The following CDH13 variants were observed in gnomAD, a reference collection of about 807,000 sequenced individuals.
The protein encoded by CDH13 is cadherin 13.
A neutral mutation model predicts 63.8 loss-of-function variants in CDH13; 24 were observed. The ratio of observed to expected loss-of-function variants is 0.38; its 90% confidence interval spans 0.27 to 0.53. The LOEUF (loss-of-function observed/expected upper bound fraction) is 0.53. Ranked by LOEUF, CDH13 falls within the 20% of genes least tolerant of loss-of-function variation. The pLI, the probability that CDH13 is intolerant of heterozygous loss-of-function variation, is 0.85. For missense variants in CDH13, 1,049 were observed against 903.1 expected, an observed-to-expected ratio of 1.16 and a Z score of -2.07; for synonymous variants, 503 against 355.3, an observed-to-expected ratio of 1.42 and a Z score of -4.67.
chr16:83,032,869 A>T (rs1916496907), intron 3 of CDH13, among the ~76,000 whole-genome samples: 1 of 152,198 alleles, frequency 6.6e-6, no homozygotes, highest in South Asian at 2.1e-4. Context: ...TTTCAGAGGA[A>T]AGGAAATGGA....
chr16:82,805,190 G>T (rs1434689426), intron 1 of CDH13, among the ~76,000 whole-genome samples: 1 of 152,134 alleles, frequency 6.6e-6, no homozygotes, highest in Non-Finnish European at 1.5e-5. Context: ...TCTCTAATAG[G>T]ACTGTGCTAT....
At chr16:83,083,579 T>G (rs567754005) in intron 3 of CDH13, among the ~76,000 whole-genome samples, 1 of 152,220 alleles carries the variant, frequency 6.6e-6, no homozygotes, top group East Asian at 1.9e-4. Context: ...GAAATTCTGT[T>G]GTTTTCTCTA....
At chr16:83,453,186 G>C (rs2072928613) in intron 6 of CDH13, among the ~76,000 whole-genome samples, 1 of 152,096 alleles carries the variant, frequency 6.6e-6, no homozygotes, top group African/African-American at 2.4e-5. Flanking sequence ...AAGACATAAG[G>C]ATTGTACAAT....
intron 1 of CDH13, among the ~76,000 whole-genome samples, chr16:82,665,657 C>T (rs1283096309): frequency 6.6e-6 from 1 of 152,036 alleles, no homozygotes; most frequent in Non-Finnish European, 1.5e-5. Context: ...CTTCACCTTC[C>T]TCAACTATGT....
chr16:83,436,870 C>T (rs11149568), intron 6 of CDH13, among the ~76,000 whole-genome samples: 61,648 of 151,930 alleles, frequency 0.41, 12,806 homozygotes, highest in Admixed American at 0.51. Flanking sequence ...ATTGGTAGGG[C>T]TCTTTATGGA....
At chr16:83,402,102 G>A (rs371060077) in intron 6 of CDH13, among the ~76,000 whole-genome samples, 1 of 152,032 alleles carries the variant, frequency 6.6e-6, no homozygotes, top group Non-Finnish European at 1.5e-5. Context: ...AGATCTGGAG[G>A]GATTTTGTAT....
chr16:83,649,099 T>TGAA (rs1567480543), intron 8 of CDH13, among the ~76,000 whole-genome samples: 1 of 152,218 alleles, frequency 6.6e-6, no homozygotes, highest in African/African-American at 2.4e-5. Flanking sequence ...TTTCTACTTA[T>TGAA]GAAGTCCAGC....
At chr16:82,982,075 C>T (rs1447750552) in intron 2 of CDH13, among the ~76,000 whole-genome samples, 2 of 152,100 alleles carry the variant, frequency 1.3e-5, no homozygotes, top group Non-Finnish European at 2.9e-5. Flanking sequence ...CTAGTTTTAG[C>T]ACTTATTAGC....
intron 7 of CDH13, among the ~76,000 whole-genome samples, chr16:83,558,961 T>TG (rs5818455): frequency 0.77 from 116,509 of 152,006 alleles, 44,595 homozygotes; most frequent in Middle Eastern, 0.84. Flanking sequence ...TCCAACACCA[T>TG]GGAGGACCAC....
chr16:83,072,671 C>T (rs557017740), intron 3 of CDH13, among the ~76,000 whole-genome samples: 23 of 152,076 alleles, frequency 1.5e-4, no homozygotes, highest in Non-Finnish European at 3.2e-4. Context: ...GGTTTAATTG[C>T]CTCCAAGCTT....
chr16:82,840,801 A>G (rs932986939), intron 1 of CDH13, among the ~76,000 whole-genome samples: 1 of 152,102 alleles, frequency 6.6e-6, no homozygotes, highest in Admixed American at 6.6e-5. Context: ...GAGACATTTT[A>G]ATGGTGTTGG....
intron 4 of CDH13, among the ~76,000 whole-genome samples, chr16:83,210,050 A>T (rs953489506): frequency 2.7e-5 from 4 of 150,738 alleles, no homozygotes; most frequent in Admixed American, 1.3e-4. Context: ...AGCCATTGCA[A>T]GTTTTCATGG....
At chr16:83,426,451 C>T (rs1303326278) in intron 6 of CDH13, among the ~76,000 whole-genome samples, 2 of 151,860 alleles carry the variant, frequency 1.3e-5, no homozygotes, top group Non-Finnish European at 2.9e-5. Flanking sequence ...CCTCCTGGAC[C>T]ATAACCTTTT....
rs1240013329 is a variant in CDH13, at chr16:82,858,585, AT to A, written c.157+117del. ...TTCCTAAACTAAGTGTTTTCTGATT[AT>A]TTTTCTTATGTCACTGCTTGACCCA... On this transcript the variant is annotated intron_variant, in intron 2 of 13. Coordinates refer to ENST00000567109, the MANE Select transcript of CDH13 (RefSeq NM_001257.5). The A allele has an allele frequency of 2.2e-5, 18 of 801,370 alleles. No individual in the cohort carries two copies. The African/African-American group carries it at 3.1e-4, about 14-fold the overall frequency. The allele number at this position is 801,370 out of a possible 1,614,324, so 49.6% of individuals were successfully genotyped here. A position where few individuals can be genotyped will look rare whatever the true frequency, so the allele number is the denominator to read the frequency against.
intron 7 of CDH13, among the ~76,000 whole-genome samples, chr16:83,534,128 C>A (rs1351855054): frequency 4.6e-5 from 7 of 152,160 alleles, no homozygotes; most frequent in African/African-American, 1.7e-4. Flanking sequence ...TGCTCCCCAT[C>A]CTCCATCCCC....
At position 83,799,010 on chromosome 16, in the gene CDH13, C is replaced by T. The variant is rs1040332980; in HGVS notation, c.*3980C>T. The T allele has an allele frequency of 3.3e-5, 5 of 152,010 alleles. No homozygotes were observed. The highest frequency in any genetic ancestry group is 4.1e-4 in the South Asian group (2 of 4,822). 9.4% of individuals were successfully genotyped at this position (152,010 alleles called of 1,614,324 possible). On this transcript the variant is annotated 3_prime_UTR_variant, in exon 14 of 14. Transcript: ENST00000567109. Reference sequence around the variant, plus strand: ...AGGGGCTTCTCCTAGATTAATTTAACATCTCAGTTAATCAAAAGTAGCCGG... The same window carrying T: ...AGGGGCTTCTCCTAGATTAATTTAATATCTCAGTTAATCAAAAGTAGCCGG...
chr16:83,422,533 T>C (rs1371837486), intron 6 of CDH13, among the ~76,000 whole-genome samples: 1 of 152,238 alleles, frequency 6.6e-6, no homozygotes, highest in African/African-American at 2.4e-5. Context: ...CACGAATTAA[T>C]TAATACTTAC....
intron 13 of CDH13, among the ~76,000 whole-genome samples, chr16:83,791,201 T>C (rs796619906): frequency 4.9e-4 from 74 of 152,152 alleles, no homozygotes; most frequent in African/African-American, 1.7e-3. Context: ...AAAATTAACA[T>C]TAAATAAAAT....
At chr16:83,154,658 T>C (rs1329864252) in intron 4 of CDH13, among the ~76,000 whole-genome samples, 1 of 152,120 alleles carries the variant, frequency 6.6e-6, no homozygotes, top group Non-Finnish European at 1.5e-5. Context: ...CTAAGCTGAC[T>C]GATAAAACAT....
Sources: allele counts gnomAD v4.1 joint callset (sites outside exome capture counted in the v4.1 genomes callset), GRCh38; gene constraint gnomAD v4.1.1; transcripts MANE v1.5; gene names NCBI Gene and HGNC (gene_info 2026-07-23, HGNC 2026-07-21).